Variants in PACSIN2 observed in about 807,000 individuals in gnomAD.
The protein encoded by PACSIN2 is protein kinase C and casein kinase substrate in neurons protein 2.
A neutral mutation model predicts 63.8 loss-of-function variants in PACSIN2; 25 were observed. That is an observed-to-expected ratio of 0.39 (90% CI 0.29 to 0.55). The LOEUF is 0.55. Among genes scored for constraint, PACSIN2 ranks in the 20% least tolerant of loss-of-function variants. The probability of loss-of-function intolerance (pLI) is 0.62; values close to 1 mark genes in which losing one functional copy is unlikely to be tolerated. For synonymous variants in PACSIN2, 255 were observed against 256.2 expected (o/e 1.00, Z 0.05); for missense variants, 518 against 646.9 (o/e 0.80, Z 2.16).
At chr22:42,970,881 G>T (rs558531219) in intron 1 of PACSIN2, among the ~76,000 whole-genome samples, 9 of 152,144 alleles carry the variant, frequency 5.9e-5, no homozygotes, top group African/African-American at 2.2e-4. Flanking sequence ...GGCCTGCAGC[G>T]CCTCCCCACG....
chr22:43,008,158 A>C (rs2146928065), intron 1 of PACSIN2, among the ~76,000 whole-genome samples: 1 of 152,366 alleles, frequency 6.6e-6, no homozygotes, highest in Admixed American at 6.5e-5. Flanking sequence ...CATCAGAAGT[A>C]TTCTTTTAAA....
intron 2 of PACSIN2, among the ~76,000 whole-genome samples, chr22:42,908,662 G>A (rs913714557): frequency 4.6e-5 from 7 of 152,180 alleles, no homozygotes; most frequent in Admixed American, 2.0e-4. Context: ...CTTGGCCCCC[G>A]CCACTGTAAT....
intron 2 of PACSIN2, among the ~76,000 whole-genome samples, chr22:42,904,048 TAAAAA>T (rs950172210): frequency 6.6e-6 from 1 of 151,920 alleles, no homozygotes; most frequent in Non-Finnish European, 1.5e-5. Flanking sequence ...AATGACAAAA[TAAAAA>T]ATAGATGACA....
chr22:42,941,551 C>T lies in PACSIN2; in HGVS notation c.-77-29394G>A, dbSNP rs529078915. Among the ~76,000 whole-genome samples, 11 of 152,258 alleles carry T rather than the reference C, an allele frequency of 7.2e-5. No homozygotes were observed. The East Asian group carries it at 9.6e-4, about 13-fold the overall frequency. On this transcript the variant is annotated intron_variant, in intron 1 of 10. Coordinates refer to ENST00000263246, the MANE Select transcript of PACSIN2 (RefSeq NM_001184970.3). ...CAGTTCCAATTTCCCATATCCTCAC[C>T]AACACATGTTGTCTTTTTTATTGTA...
rs891857520 is a variant in PACSIN2 at position 42,881,549 on chromosome 22, CT to C, written c.906+634del. Reference sequence around the variant, plus strand: ...GCTTAAGCCTCAGGGGCACCAGGACCTTTGCCCACTGCCTTCAGGGTGCCAG... The same window carrying C: ...GCTTAAGCCTCAGGGGCACCAGGACCTTGCCCACTGCCTTCAGGGTGCCAG... On this transcript the variant is annotated intron_variant, in intron 7 of 10. Coordinates refer to ENST00000263246, the MANE Select transcript of PACSIN2 (RefSeq NM_001184970.3). Among the ~76,000 whole-genome samples, 25 of 152,352 alleles carry C rather than the reference CT, an allele frequency of 1.6e-4. No homozygotes were observed. In the East Asian group the frequency reaches 2.3e-3, roughly 14 times the overall value.
intron 1 of PACSIN2, among the ~76,000 whole-genome samples, chr22:42,934,461 A>G (rs1002619769): frequency 3.3e-5 from 5 of 152,128 alleles, no homozygotes; most frequent in Admixed American, 1.3e-4. Context: ...CACACCTTTC[A>G]ATGTGGCAGC....
chr22:42,965,910 CATAA>C lies in PACSIN2; in HGVS notation c.-78+49107_-78+49110del, dbSNP rs771208357. Among the ~76,000 whole-genome samples the C allele has an allele frequency of 2.4e-3, 339 of 142,186 alleles. 1 individual carries two copies. Among genetic ancestry groups the C allele is most frequent in the Middle Eastern group, 7.0e-3 (2 of 284 alleles). The allele number at this position is 142,186 out of a possible 152,430, so 93.3% of individuals were successfully genotyped here. A position where few individuals can be genotyped will look rare whatever the true frequency, so the allele number is the denominator to read the frequency against. ...TTAAATTCTAGAAACCTACTATAAT[CATAA>C]ATAAATAAATAATCATAAATAAATA... On this transcript the variant is annotated intron_variant, in intron 1 of 10. Coordinates refer to ENST00000263246, the MANE Select transcript of PACSIN2 (RefSeq NM_001184970.3).
At chr22:42,884,261 A>G in intron 6 of PACSIN2, 125 bp downstream of exon 6, 1 of 790,506 alleles carries the variant, frequency 1.3e-6, no homozygotes, top group Non-Finnish European at 2.1e-6. Context: ...GGAGGCCCTG[A>G]GGGCGGTGAG....
chr22:42,935,369 G>T (rs981315515), intron 1 of PACSIN2, among the ~76,000 whole-genome samples: 4 of 152,084 alleles, frequency 2.6e-5, no homozygotes, highest in Non-Finnish European at 5.9e-5. Context: ...CGGGGTGGGG[G>T]GAAGAAGGCT....
chr22:42,932,506 G>A (rs1307398534), intron 1 of PACSIN2, among the ~76,000 whole-genome samples: 1 of 152,134 alleles, frequency 6.6e-6, no homozygotes, highest in African/African-American at 2.4e-5. Context: ...AACTGACAGC[G>A]ACACACTTGG....
chr22:43,007,431 G>A (rs562212709), intron 1 of PACSIN2, among the ~76,000 whole-genome samples: 2 of 152,160 alleles, frequency 1.3e-5, no homozygotes, highest in South Asian at 2.1e-4. Flanking sequence ...GGCCAGGCTG[G>A]TCTCAAACTC....
rs1929154350 is a variant in PACSIN2 at position 42,882,440 on chromosome 22, C to T, written c.786-136G>A. On this transcript the variant is annotated intron_variant, in intron 6 of 10. Coordinates refer to ENST00000263246, the MANE Select transcript of PACSIN2 (RefSeq NM_001184970.3). ...TTTCACAGACAGAGCCAGAACACTC[C>T]TCCCTTGGCTCAGGTGGAAGGTCAC... 4 of 949,650 alleles carry T rather than the reference C, an allele frequency of 4.2e-6. No individual in the cohort carries two copies. The African/African-American group carries it at 4.9e-5, about 12-fold the overall frequency. The allele number at this position is 949,650 out of a possible 1,614,324, so 58.8% of individuals were successfully genotyped here.
chr22:42,959,542 A>G (rs1569325253), intron 1 of PACSIN2: 1 of 152,248 alleles, frequency 6.6e-6, no homozygotes, highest in Non-Finnish European at 1.5e-5. Flanking sequence ...TTAAGCCGAA[A>G]TCTATTCTCC....
chr22:42,951,239 C>T (rs966859376), intron 1 of PACSIN2, among the ~76,000 whole-genome samples: 6 of 152,118 alleles, frequency 3.9e-5, no homozygotes, highest in Admixed American at 2.6e-4. Flanking sequence ...CTTCTAGTCA[C>T]GATAACCGGC....
chr22:42,950,914 G>A (rs1392252048), intron 1 of PACSIN2, among the ~76,000 whole-genome samples: 1 of 152,140 alleles, frequency 6.6e-6, no homozygotes, highest in Non-Finnish European at 1.5e-5. Context: ...ACACCAGTAG[G>A]TAATGTAGCG....
intron 1 of PACSIN2, among the ~76,000 whole-genome samples, chr22:42,978,328 TA>T (rs1304113170): frequency 4.6e-5 from 7 of 152,240 alleles, no homozygotes; most frequent in African/African-American, 1.7e-4. Context: ...GATTACCACC[TA>T]GCTGTTTATA....
chr22:42,906,945 T>C (rs1006783428), intron 2 of PACSIN2, among the ~76,000 whole-genome samples: 1 of 152,226 alleles, frequency 6.6e-6, no homozygotes, highest in African/African-American at 2.4e-5. Context: ...AAGTAGGAAA[T>C]GAGCAATGCC....
chr22:42,875,493 C>T (rs1928542689), intron 10 of PACSIN2, among the ~76,000 whole-genome samples: 1 of 152,040 alleles, frequency 6.6e-6, no homozygotes, highest in African/African-American at 2.4e-5. Context: ...CCTCAGCCTC[C>T]CAGAGAGCTG....
chr22:43,012,263 G>C (rs1036519503), intron 1 of PACSIN2, among the ~76,000 whole-genome samples: 4 of 149,340 alleles, frequency 2.7e-5, no homozygotes, highest in African/African-American at 9.9e-5. Flanking sequence ...TACTGAGGAG[G>C]CTGAGGCAGA....
Sources: allele counts gnomAD v4.1 joint callset (sites outside exome capture counted in the v4.1 genomes callset), GRCh38; gene constraint gnomAD v4.1.1; transcripts MANE v1.5; gene names NCBI Gene and HGNC (gene_info 2026-07-23, HGNC 2026-07-21).